The following PLEKHM2 variants were observed in gnomAD, a reference collection of about 807,000 sequenced individuals.
PLEKHM2 encodes pleckstrin homology and RUN domain containing M2, also known as pleckstrin homology domain-containing family M member 2.
Under a neutral mutation model 116.3 loss-of-function variants are expected in PLEKHM2, and 77 were observed. That is an observed-to-expected ratio of 0.66 (90% CI 0.55 to 0.80). The LOEUF (loss-of-function observed/expected upper bound fraction) is 0.80, where lower values mean the gene tolerates loss of function less well. PLEKHM2 is among the 30% of genes least tolerant of loss of function. The probability of loss-of-function intolerance (pLI) is 0.00; values close to 1 mark genes in which losing one functional copy is unlikely to be tolerated. For synonymous variants in PLEKHM2, 562 were observed against 571.0 expected, an observed-to-expected ratio of 0.98 and a Z score of 0.22; for missense variants, 1,183 against 1,354.9, an observed-to-expected ratio of 0.87 and a Z score of 1.99.
intron 7 of PLEKHM2, chr1:15,723,308 G>T (rs1178112716): frequency 6.6e-6 from 1 of 152,060 alleles, no homozygotes; most frequent in South Asian, 2.1e-4. Context: ...ACCGAGAGAC[G>T]CGGTTTTCTG....
chr1:15,696,272 G>A (rs2148335614), intron 1 of PLEKHM2, among the ~76,000 whole-genome samples: 1 of 152,316 alleles, frequency 6.6e-6, no homozygotes, highest in Middle Eastern at 3.4e-3. Context: ...TGGTCTTGAA[G>A]TAACAGATAA....
chr1:15,683,770 G>A (rs1183877501), upstream of PLEKHM2, among the ~76,000 whole-genome samples: 1 of 144,824 alleles, frequency 6.9e-6, no homozygotes, highest in Non-Finnish European at 1.5e-5. Flanking sequence ...GAGGTCCCAG[G>A]GGGGAGTCTA....
intron 1 of PLEKHM2, among the ~76,000 whole-genome samples, chr1:15,686,021 C>T (rs1281287517): frequency 2.6e-5 from 4 of 152,092 alleles, no homozygotes; most frequent in Non-Finnish European, 2.9e-5. Context: ...TAGGTAGGCC[C>T]GGCGTTTGTC....
At chr1:15,724,035 G>T (rs1048378458) in intron 7 of PLEKHM2, among the ~76,000 whole-genome samples, 1 of 152,188 alleles carries the variant, frequency 6.6e-6, no homozygotes, top group Non-Finnish European at 1.5e-5. Flanking sequence ...CGTATGGGCT[G>T]TGTGCTTCAC....
chr1:15,731,361 C>A, intron 16 of PLEKHM2, 104 bp downstream of exon 16: 1 of 874,302 alleles, frequency 1.1e-6, no homozygotes, highest in Non-Finnish European at 1.9e-6. Flanking sequence ...CCCTCAACCC[C>A]ACCCCATCCA....
At position 15,727,855 on chromosome 1, in the gene PLEKHM2, A is replaced by G. The variant is rs752488084; in HGVS notation, c.1760+23A>G. 1.3e-6 allele frequency: 2 copies of G among 1,506,938 alleles called. No individual in the cohort carries two copies. Among genetic ancestry groups the G allele is most frequent in the Non-Finnish European group, 1.8e-6 (2 of 1,113,600 alleles). 93.3% of individuals were successfully genotyped at this position (1,506,938 alleles called of 1,614,324 possible). On this transcript the variant is annotated intron_variant, in intron 9 of 19. Transcript: ENST00000375799. This position sits in a 1 kb window ranked among gnomAD's most constrained non-coding sequence, Gnocchi z 7.5. ...CAGGTAACAAGACTCTGCAGCTGGC[A>G]TGGGACTCTCCCAGCCCTTGAAGCT... is the stretch of plus-strand genomic sequence containing the variant.
chr1:15,703,096 A>G (rs930181958), intron 1 of PLEKHM2, among the ~76,000 whole-genome samples: 5 of 152,090 alleles, frequency 3.3e-5, no homozygotes, highest in Admixed American at 2.0e-4. Context: ...GGCTCTTCCA[A>G]ACACTCTTGT....
chr1:15,730,580 C>T lies in PLEKHM2; in HGVS notation c.2257C>T (p.Pro753Ser). 2 of 1,604,960 alleles carry T rather than the reference C, an allele frequency of 1.2e-6. No homozygotes were observed. Among genetic ancestry groups the T allele is most frequent in the Non-Finnish European group, 1.7e-6 (2 of 1,176,520 alleles). Residue 753 changes from proline to serine, a missense_variant, in exon 15 of 20, where the codon CCC becomes TCC. By Grantham distance (74) the Pro-to-Ser change is moderately conservative. Coordinates refer to ENST00000375799, the MANE Select transcript of PLEKHM2 (RefSeq NM_015164.4). ...RFYGLVHWEDPTDESLGPTPC... is the reference protein window; with the variant it reads ...RFYGLVHWEDSTDESLGPTPC... ...CTACGGCCTTGTGCACTGGGAGGAC[C>T]CCACAGACGAGTCCCTGGGCCCCAC...
chr1:15,684,621 G>A lies in PLEKHM2; in HGVS notation c.60+3G>A. 1 of 1,292,628 alleles carries A rather than the reference G, an allele frequency of 7.7e-7. No homozygotes were observed. The highest frequency in any genetic ancestry group is 9.9e-7 in the Non-Finnish European group (1 of 1,008,128). The allele number at this position is 1,292,628 out of a possible 1,614,324, so 80.1% of individuals were successfully genotyped here. The stretch of plus-strand genomic sequence containing the variant: ...ACATCTCGCTGTCGGTGAAGAAGGT[G>A]AGCGCGGCCTCCCTCCCGGCCGGGG... On this transcript the variant is annotated splice_donor_region_variant and intron_variant, in intron 1 of 19. Transcript: ENST00000375799.
At chr1:15,704,545 T>G (rs1204479314) in intron 1 of PLEKHM2, among the ~76,000 whole-genome samples, 3 of 152,168 alleles carry the variant, frequency 2.0e-5, no homozygotes, top group African/African-American at 7.2e-5. Context: ...TGACCCAATA[T>G]TACAAAAAAT....
At chr1:15,710,685 A>G (rs1181076692) in intron 1 of PLEKHM2, among the ~76,000 whole-genome samples, 1 of 152,206 alleles carries the variant, frequency 6.6e-6, no homozygotes, top group African/African-American at 2.4e-5. Context: ...TTCTGCCCAT[A>G]CCAAAATGCT....
chr1:15,717,977 A>G lies in PLEKHM2; in HGVS notation c.362A>G (p.His121Arg). The stretch of plus-strand genomic sequence containing the variant: ...TTCCAGGAGAACCTGGGCCTGCTGC[A>G]TAAGTACTACGTCAAGTGAGTGTCT... ...RLFQENLGLL[H>R]KYYVKNALVC... The change falls in exon 4 of 20, where the codon CAT becomes CGT. Residue 121 changes from histidine (H) to arginine (R), a missense_variant. His to Arg is a conservative substitution (Grantham distance 29, BLOSUM62 0). This residue lies in a region of PLEKHM2 where 217 missense variants were observed against 277.6 expected (regional missense o/e 0.78). Transcript: ENST00000375799. The G allele has an allele frequency of 6.3e-7, 1 of 1,590,946 alleles. No individual in the cohort carries two copies. Among genetic ancestry groups the G allele is most frequent in the Non-Finnish European group, 8.6e-7 (1 of 1,167,744 alleles).
rs769063819 is a variant in PLEKHM2 at position 15,730,550 on chromosome 1, C to T, written c.2227C>T (p.Arg743Cys). 45 of 1,590,764 alleles carry T rather than the reference C, an allele frequency of 2.8e-5. No individual in the cohort carries two copies. The highest frequency in any genetic ancestry group is 1.7e-4 in the Middle Eastern group (1 of 5,968). ...GCATCAGGCATCTGCTGTCACCGTGCGCTTCTACGGCCTTGTGCACTGGGA... is the reference window on the plus strand; with the variant it reads ...GCATCAGGCATCTGCTGTCACCGTGTGCTTCTACGGCCTTGTGCACTGGGA... ...SKCEASAVTV[R>C]FYGLVHWEDP... is the part of the protein sequence containing the mutation. The change falls in exon 15 of 20, where the codon CGC becomes TGC. Residue 743 changes from arginine (R) to cysteine (C), a missense_variant. Physicochemically the swap from Arg to Cys is radical, Grantham distance 180. Coordinates refer to ENST00000375799, the MANE Select transcript of PLEKHM2 (RefSeq NM_015164.4).
At chr1:15,702,207 T>A (rs995257489) in intron 1 of PLEKHM2, among the ~76,000 whole-genome samples, 1 of 152,156 alleles carries the variant, frequency 6.6e-6, no homozygotes, top group African/African-American at 2.4e-5. Flanking sequence ...CATGTCACTT[T>A]CCATGGGACG....
In PLEKHM2 at chr1:15,721,409, AC is replaced by A. The variant is rs1385215977; in HGVS notation, c.712+24del. ...GGAAGGTGGGCCAGAGTCCGCTGTT[AC>A]CCTCTTTTCCTGTTTTGCAATGTTT... On this transcript the variant is annotated intron_variant, in intron 7 of 19. Coordinates refer to ENST00000375799, the MANE Select transcript of PLEKHM2 (RefSeq NM_015164.4). This position sits in a 1 kb window ranked among gnomAD's most constrained non-coding sequence, Gnocchi z 5.1. The A allele has an allele frequency of 1.3e-6, 2 of 1,510,144 alleles. No individual in the cohort carries two copies. The highest frequency in any genetic ancestry group is 4.8e-5 in the East Asian group (2 of 41,804). The allele number at this position is 1,510,144 out of a possible 1,614,324, so 93.5% of individuals were successfully genotyped here.
chr1:15,710,079 T>C (rs1200324695), intron 1 of PLEKHM2, among the ~76,000 whole-genome samples: 1 of 151,226 alleles, frequency 6.6e-6, no homozygotes, highest in Non-Finnish European at 1.5e-5. Context: ...TACAAAAAAT[T>C]AGCTGGGCAT....
Position 15,701,250 on chromosome 1 carries a change from G to A in PLEKHM2, c.61-14987G>A, listed in dbSNP as rs186321450. Among the ~76,000 whole-genome samples, 1,401 of 151,512 alleles carry A rather than the reference G, an allele frequency of 9.2e-3. 11 individuals carry two copies. The highest frequency in any genetic ancestry group is 0.015 in the Non-Finnish European group (1,029 of 67,908). On this transcript the variant is annotated intron_variant, in intron 1 of 19. Coordinates refer to ENST00000375799, the MANE Select transcript of PLEKHM2 (RefSeq NM_015164.4). ...AGTTTGAGACCAGCCTGACCAATATGGTGAAACCCCATCTCTACTAAAAAT... is the reference window on the plus strand; with the variant it reads ...AGTTTGAGACCAGCCTGACCAATATAGTGAAACCCCATCTCTACTAAAAAT...
At chr1:15,706,376 ATCT>A (rs1023320036) in intron 1 of PLEKHM2, among the ~76,000 whole-genome samples, 2 of 150,396 alleles carry the variant, frequency 1.3e-5, no homozygotes, top group African/African-American at 5.0e-5. Flanking sequence ...CCTCAGGGAG[ATCT>A]TCTTGGCTCC....
chr1:15,723,623 C>G (rs1304679342), intron 7 of PLEKHM2, among the ~76,000 whole-genome samples: 1 of 151,900 alleles, frequency 6.6e-6, no homozygotes, highest in Non-Finnish European at 1.5e-5. Context: ...GCCTATAGTC[C>G]CAGCTACTCT....
Sources: allele counts gnomAD v4.1 joint callset (sites outside exome capture counted in the v4.1 genomes callset), GRCh38; gene constraint gnomAD v4.1.1; regional missense constraint gnomAD v4.1.1; non-coding constraint Gnocchi (gnomAD v3.1); transcripts MANE v1.5; gene names NCBI Gene and HGNC (gene_info 2026-07-23, HGNC 2026-07-21).